MBD5: variants seen among roughly 807,000 people sequenced by gnomAD.
MBD5 encodes the protein methyl-CpG-binding domain protein 5.
Under a neutral mutation model 117.3 loss-of-function variants are expected in MBD5, and 13 were observed. The ratio of observed to expected loss-of-function variants is 0.11; its 90% CI spans 0.07 to 0.18. The LOEUF is 0.18. Among genes scored for constraint, MBD5 ranks in the 10% least tolerant of loss-of-function variants. The pLI is 1.00. For synonymous variants in MBD5, 727 were observed against 766.4 expected, an observed-to-expected ratio of 0.95 and a Z score of 0.85; for missense variants, 1,879 against 2,093.8, an observed-to-expected ratio of 0.90 and a Z score of 2.00.
At chr2:148,148,465 T>C (rs1486328795) in intron 1 of MBD5, among the ~76,000 whole-genome samples, 1 of 152,220 alleles carries the variant, frequency 6.6e-6, no homozygotes, top group Non-Finnish European at 1.5e-5. Flanking sequence ...AAATATTCTT[T>C]GGATTATTTT....
At chr2:148,331,410 A>G (rs1467290185) in intron 3 of MBD5, among the ~76,000 whole-genome samples, 1 of 152,052 alleles carries the variant, frequency 6.6e-6, no homozygotes, top group Non-Finnish European at 1.5e-5. Context: ...ACTTTTGTAA[A>G]GCCATGTGGA....
At chr2:148,366,949 A>C (rs1416181460) in intron 4 of MBD5, among the ~76,000 whole-genome samples, 2 of 152,160 alleles carry the variant, frequency 1.3e-5, no homozygotes, top group Admixed American at 1.3e-4. Flanking sequence ...GCTACCATTG[A>C]CTTTCCTCAC....
chr2:148,114,326 C>T (rs1314272538), intron 1 of MBD5, among the ~76,000 whole-genome samples: 1 of 151,910 alleles, frequency 6.6e-6, no homozygotes, highest in Non-Finnish European at 1.5e-5. Flanking sequence ...AGAAATTAGC[C>T]AGGTGTGGTG....
Position 148,511,973 on chromosome 2 carries a change from C to A in MBD5, c.5113-897C>A, listed in dbSNP as rs1203126296. Among the ~76,000 whole-genome samples the A allele has an allele frequency of 2.6e-5, 4 of 152,150 alleles. 1 individual carries two copies. Among genetic ancestry groups the A allele is most frequent in the Non-Finnish European group, 5.9e-5 (4 of 68,020 alleles). On this transcript the variant is annotated intron_variant, in intron 13 of 13. Coordinates refer to ENST00000642680, the MANE Select transcript of MBD5 (RefSeq NM_001378120.1). ...TACTCATCTCTTCCTAATTCTAAGT[C>A]CTGTGACATAAGGTTGGCCAGGGTA...
At chr2:148,281,873 A>G (rs189787109) in intron 3 of MBD5, among the ~76,000 whole-genome samples, 12 of 152,232 alleles carry the variant, frequency 7.9e-5, no homozygotes, top group African/African-American at 2.9e-4. Context: ...ATTTTTATGC[A>G]CTGAGACTTG....
intron 1 of MBD5, among the ~76,000 whole-genome samples, chr2:148,035,873 A>G (rs1388022714): frequency 2.0e-5 from 3 of 152,266 alleles, no homozygotes; most frequent in Admixed American, 1.3e-4. Flanking sequence ...TTAGATATAT[A>G]CAATGCTTTA....
intron 4 of MBD5, among the ~76,000 whole-genome samples, chr2:148,362,462 C>G (rs1475010511): frequency 6.6e-6 from 1 of 152,174 alleles, no homozygotes; most frequent in Non-Finnish European, 1.5e-5. Context: ...CAGGGCATCT[C>G]TAAAAGAAAG....
intron 1 of MBD5, among the ~76,000 whole-genome samples, chr2:148,082,701 C>T (rs540094680): frequency 5.9e-5 from 9 of 152,258 alleles, no homozygotes; most frequent in East Asian, 1.9e-4. Context: ...ATTATACCTC[C>T]GTGACTTAAT....
chr2:148,260,588 C>T (rs1457930583), intron 3 of MBD5: 2 of 211,166 alleles, frequency 9.5e-6, no homozygotes, highest in East Asian at 1.1e-4. Flanking sequence ...ATTTTTCACA[C>T]GTGAACCAGG....
At chr2:148,184,857 C>G (rs1698614358) in intron 2 of MBD5, among the ~76,000 whole-genome samples, 1 of 152,152 alleles carries the variant, frequency 6.6e-6, no homozygotes, top group Non-Finnish European at 1.5e-5. Context: ...ATCAGTTTAT[C>G]AAATCTACAA....
At chr2:148,217,567 C>T (rs1331341646) in intron 2 of MBD5, among the ~76,000 whole-genome samples, 1 of 152,176 alleles carries the variant, frequency 6.6e-6, no homozygotes, top group Non-Finnish European at 1.5e-5. Context: ...AAGTAGGTGG[C>T]CATGTTTTCA....
chr2:148,412,677 C>T lies in MBD5; in HGVS notation c.-556-45526C>T, dbSNP rs373445949. Reference sequence around the variant, plus strand: ...CTCCTTGTAGAGATCTTTCACCTCCCTAGTTAGCTGTATTCCCAGGTATTT... The same window carrying T: ...CTCCTTGTAGAGATCTTTCACCTCCTTAGTTAGCTGTATTCCCAGGTATTT... On this transcript the variant is annotated intron_variant, in intron 4 of 13. Coordinates refer to ENST00000642680, the MANE Select transcript of MBD5 (RefSeq NM_001378120.1). 6.6e-5 allele frequency among the ~76,000 whole-genome samples: 10 copies of T among 152,182 alleles called. 1 individual carries two copies. The highest frequency in any genetic ancestry group is 2.2e-4 in the African/African-American group (9 of 41,538).
intron 1 of MBD5, among the ~76,000 whole-genome samples, chr2:148,043,177 G>T (rs1373807281): frequency 6.6e-6 from 1 of 151,792 alleles, no homozygotes. Flanking sequence ...TGTAATCCCA[G>T]CACTTTGGGA....
At chr2:148,210,980 A>T (rs192664859) in intron 2 of MBD5, among the ~76,000 whole-genome samples, 2 of 152,052 alleles carry the variant, frequency 1.3e-5, no homozygotes, top group African/African-American at 4.8e-5. Context: ...GCTGAAGTAA[A>T]TTTTTCTCCT....
At chr2:148,139,106 C>T (rs781496027) in intron 1 of MBD5, among the ~76,000 whole-genome samples, 2 of 151,998 alleles carry the variant, frequency 1.3e-5, no homozygotes, top group African/African-American at 2.4e-5. Context: ...TATTTTTATG[C>T]CCTATTGATT....
chr2:148,038,332 C>T (rs187616538), intron 1 of MBD5, among the ~76,000 whole-genome samples: 1 of 151,902 alleles, frequency 6.6e-6, no homozygotes, highest in African/African-American at 2.4e-5. Flanking sequence ...TGCTAAGTTC[C>T]ATACATCTAC....
chr2:148,438,976 T>C (rs1171399037), intron 4 of MBD5, among the ~76,000 whole-genome samples: 2 of 152,174 alleles, frequency 1.3e-5, no homozygotes, highest in Non-Finnish European at 2.9e-5. Context: ...TTACTTAACC[T>C]AGTCAAGTTA....
chr2:148,413,529 T>C (rs1425233740), intron 4 of MBD5, among the ~76,000 whole-genome samples: 2 of 146,830 alleles, frequency 1.4e-5, no homozygotes, highest in Non-Finnish European at 3.0e-5. Context: ...TTTTTTGGAG[T>C]AATTTCAGTA....
intron 8 of MBD5, among the ~76,000 whole-genome samples, chr2:148,477,083 A>C (rs948456168): frequency 1.3e-5 from 2 of 152,144 alleles, no homozygotes; most frequent in African/African-American, 4.8e-5. Context: ...TTTCAGAGTA[A>C]CTATATGTGT....
Sources: allele counts gnomAD v4.1 joint callset (sites outside exome capture counted in the v4.1 genomes callset), GRCh38; gene constraint gnomAD v4.1.1; transcripts MANE v1.5; gene names NCBI Gene and HGNC (gene_info 2026-07-23, HGNC 2026-07-21).